Variants in ARHGAP26 observed in about 807,000 individuals in gnomAD.
ARHGAP26 encodes Rho GTPase activating protein 26, also known as rho GTPase-activating protein 26.
ARHGAP26 carries 38 observed loss-of-function variants against 104.8 expected under a neutral mutation model. That is an observed-to-expected ratio of 0.36 (90% CI 0.28 to 0.48). The LOEUF (loss-of-function observed/expected upper bound fraction) is 0.48. Among genes scored for constraint, ARHGAP26 ranks in the 20% least tolerant of loss-of-function variants. The probability of loss-of-function intolerance (pLI) is 0.99; values close to 1 mark genes in which losing one functional copy is unlikely to be tolerated. For synonymous variants in ARHGAP26, 341 were observed against 340.0 expected, an observed-to-expected ratio of 1.00 and a Z score of -0.03; for missense variants, 704 against 947.9, an observed-to-expected ratio of 0.74 and a Z score of 3.38.
intron 19 of ARHGAP26, among the ~76,000 whole-genome samples, chr5:143,142,303 T>C (rs1354034055): frequency 6.6e-6 from 1 of 151,890 alleles, no homozygotes; most frequent in Non-Finnish European, 1.5e-5. Flanking sequence ...CACGCCCAGC[T>C]AAATTTTGTA....
At chr5:142,817,644 A>G (rs934159330) in intron 1 of ARHGAP26, among the ~76,000 whole-genome samples, 3 of 152,128 alleles carry the variant, frequency 2.0e-5, no homozygotes, top group African/African-American at 4.8e-5. Flanking sequence ...CTGGGTGGCC[A>G]TGTAGTAAGT....
chr5:142,879,567 A>C (rs1354729970), intron 4 of ARHGAP26, 122 bp downstream of exon 4: 3 of 905,292 alleles, frequency 3.3e-6, no homozygotes, highest in Admixed American at 5.9e-5. Context: ...CTTCTTCAGA[A>C]AATCTTAGGC....
intron 10 of ARHGAP26, among the ~76,000 whole-genome samples, chr5:142,929,105 T>G (rs1764349175): frequency 6.6e-6 from 1 of 152,090 alleles, no homozygotes; most frequent in South Asian, 2.1e-4. Context: ...GCCCAGCTAA[T>G]TTTTGTATTT....
At chr5:143,078,311 AGAGT>A (rs1217038873) in intron 17 of ARHGAP26, among the ~76,000 whole-genome samples, 2 of 152,188 alleles carry the variant, frequency 1.3e-5, no homozygotes, top group East Asian at 1.9e-4. Flanking sequence ...AACCATCCCG[AGAGT>A]GAGTGAGGGC....
intron 20 of ARHGAP26, chr5:143,203,556 G>GC (rs1808101196): frequency 6.6e-6 from 1 of 152,142 alleles, no homozygotes; most frequent in African/African-American, 2.4e-5. Context: ...ATTTGACCCA[G>GC]CAATCCCACT....
chr5:142,964,815 G>A (rs1375103915), intron 11 of ARHGAP26, among the ~76,000 whole-genome samples: 2 of 152,226 alleles, frequency 1.3e-5, no homozygotes, highest in East Asian at 1.9e-4. Flanking sequence ...CCCTGTGTGC[G>A]GCGACGAGAG....
intron 1 of ARHGAP26, among the ~76,000 whole-genome samples, chr5:142,861,275 A>G (rs1561969030): frequency 6.6e-6 from 1 of 152,138 alleles, no homozygotes; most frequent in East Asian, 1.9e-4. Flanking sequence ...GACTAATTAA[A>G]GAGGGGATAA....
At chr5:143,220,399 T>G (rs763172253) in intron 22 of ARHGAP26, among the ~76,000 whole-genome samples, 11 of 152,236 alleles carry the variant, frequency 7.2e-5, no homozygotes, top group Non-Finnish European at 1.5e-4. Flanking sequence ...ATTTGCTCTG[T>G]GCCTGGCTCT....
chr5:143,059,707 G>T (rs1786412161), intron 17 of ARHGAP26, among the ~76,000 whole-genome samples: 1 of 152,166 alleles, frequency 6.6e-6, no homozygotes, highest in African/African-American at 2.4e-5. Context: ...TATTTTTGGA[G>T]TTGTTTACTT....
chr5:143,208,645 G>A (rs1022304038), intron 21 of ARHGAP26, among the ~76,000 whole-genome samples: 3 of 152,182 alleles, frequency 2.0e-5, no homozygotes, highest in Admixed American at 2.0e-4. Context: ...AGCCAATCCA[G>A]AATTCAGGAC....
At chr5:142,996,220 G>A (rs1213650335) in intron 11 of ARHGAP26, among the ~76,000 whole-genome samples, 1 of 152,180 alleles carries the variant, frequency 6.6e-6, no homozygotes, top group African/African-American at 2.4e-5. Flanking sequence ...GTGGCTGGGT[G>A]CAGTGGCTCA....
chr5:142,904,278 CTCAGGAGTT>C (rs1209666661), intron 8 of ARHGAP26, among the ~76,000 whole-genome samples: 1 of 151,862 alleles, frequency 6.6e-6, no homozygotes, highest in Non-Finnish European at 1.5e-5. Flanking sequence ...ATTGCTTGAG[CTCAGGAGTT>C]CAAGACCAGC....
chr5:143,132,005 G>T (rs932684060), intron 18 of ARHGAP26, among the ~76,000 whole-genome samples: 1 of 152,146 alleles, frequency 6.6e-6, no homozygotes, highest in African/African-American at 2.4e-5. Flanking sequence ...AGCTGCTCGG[G>T]AAGTTAGGAG....
At chr5:142,932,477 A>G (rs1041492404) in intron 11 of ARHGAP26, among the ~76,000 whole-genome samples, 3 of 152,178 alleles carry the variant, frequency 2.0e-5, no homozygotes, top group Admixed American at 2.0e-4. Context: ...GCCTGGTAAT[A>G]TGATCCCTGC....
At chr5:143,197,998 T>A (rs1209800699) in intron 20 of ARHGAP26, among the ~76,000 whole-genome samples, 1 of 152,236 alleles carries the variant, frequency 6.6e-6, no homozygotes, top group Non-Finnish European at 1.5e-5. Context: ...CTCAACCCCC[T>A]GAGGCAGTCA....
At chr5:142,790,644 C>T (rs909390116) in intron 1 of ARHGAP26, among the ~76,000 whole-genome samples, 3 of 152,192 alleles carry the variant, frequency 2.0e-5, no homozygotes, top group Non-Finnish European at 4.4e-5. Flanking sequence ...TGCCTAATGC[C>T]TCTCTGACCT....
At chr5:143,097,103 C>G (rs1472255370) in intron 17 of ARHGAP26, among the ~76,000 whole-genome samples, 2 of 151,812 alleles carry the variant, frequency 1.3e-5, no homozygotes, top group Non-Finnish European at 2.9e-5. Context: ...CTTTGGGAGA[C>G]CAATGCGGGA....
intron 20 of ARHGAP26, among the ~76,000 whole-genome samples, chr5:143,206,044 G>C (rs759894978): frequency 3.3e-5 from 5 of 152,236 alleles, no homozygotes; most frequent in African/African-American, 9.6e-5. Context: ...TGTTACAACA[G>C]TAAGTAATTA....
At chr5:142,817,321 C>G (rs960567460) in intron 1 of ARHGAP26, among the ~76,000 whole-genome samples, 30 of 152,246 alleles carry the variant, frequency 2.0e-4, no homozygotes, top group African/African-American at 7.0e-4. Flanking sequence ...GCGAGTGCCA[C>G]CTTCACAGAG....
Sources: allele counts gnomAD v4.1 joint callset (sites outside exome capture counted in the v4.1 genomes callset), GRCh38; gene constraint gnomAD v4.1.1; transcripts MANE v1.5; gene names NCBI Gene and HGNC (gene_info 2026-07-23, HGNC 2026-07-21).